The following TRMT1L variants were observed in gnomAD, a reference collection of about 807,000 sequenced individuals.
The protein encoded by TRMT1L is tRNA methyltransferase 1L.
TRMT1L carries 28 observed loss-of-function variants against 81.6 expected under a neutral mutation model. The observed-to-expected ratio is 0.34, with a 90% CI of 0.25 to 0.47. The LOEUF (loss-of-function observed/expected upper bound fraction) is 0.47. Among genes scored for constraint, TRMT1L ranks in the 20% least tolerant of loss-of-function variants. The pLI, the probability that TRMT1L is intolerant of heterozygous loss-of-function variation, is 1.00. For synonymous variants in TRMT1L, 301 were observed against 303.2 expected (o/e 0.99, Z 0.07); for missense variants, 739 against 877.1 (o/e 0.84, Z 1.99).
Position 185,120,035 on chromosome 1 carries a change from C to T in TRMT1L, c.2186G>A (p.Gly729Asp), listed in dbSNP as rs752911882. The change falls in exon 15 of 15, where the codon GGC becomes GAC. Residue 729 changes from glycine to aspartate, a missense_variant. Coordinates refer to ENST00000367506, the MANE Select transcript of TRMT1L (RefSeq NM_030934.5). ...MSVNDKAEAS[G>D]CRRW ...TCTCTACGTTTACCATCTTCTGCAG[C>T]CACTTGCTTCTGCTTTGTCATTCAC... The T allele has an allele frequency of 8.7e-6, 14 of 1,613,506 alleles. No individual in the cohort carries two copies. Among genetic ancestry groups the T allele is most frequent in the Non-Finnish European group, 1.2e-5 (14 of 1,179,720 alleles).
At position 185,151,953 on chromosome 1, in the gene TRMT1L, G is replaced by C; in HGVS notation, c.236-18C>G. 1 of 1,486,050 alleles carries C rather than the reference G, an allele frequency of 6.7e-7. No individual in the cohort carries two copies. The highest frequency in any genetic ancestry group is 1.2e-5 in the South Asian group (1 of 82,164). The allele number at this position is 1,486,050 out of a possible 1,614,324, so 92.1% of individuals were successfully genotyped here. ...GTGTCTCTCTGAAAAAAAAAATTGA[G>C]AAGATTATGCTTTAACAGTTTGTAT... On this transcript the variant is annotated intron_variant, in intron 1 of 14. Coordinates refer to ENST00000367506, the MANE Select transcript of TRMT1L (RefSeq NM_030934.5).
Position 185,129,083 on chromosome 1 carries a change from G to GGT in TRMT1L, c.1514-338_1514-337dup, listed in dbSNP as rs564769974. Reference sequence around the variant, plus strand: ...AATTCATGTCAAATGGCTTATTAGAGGTGTAACTGATATTTACTTACTATA... The same window carrying GGT: ...AATTCATGTCAAATGGCTTATTAGAGGTGTGTAACTGATATTTACTTACTATA... On this transcript the variant is annotated intron_variant, in intron 10 of 14. Coordinates refer to ENST00000367506, the MANE Select transcript of TRMT1L (RefSeq NM_030934.5). Among the ~76,000 whole-genome samples the GGT allele has an allele frequency of 1.5e-4, 23 of 152,090 alleles. 2 individuals carry two copies. The South Asian group carries it at 4.8e-3, about 32-fold the overall frequency.
At position 185,133,765 on chromosome 1, in the gene TRMT1L, G is replaced by C. The variant is rs148175899; in HGVS notation, c.1513+3841C>G. On this transcript the variant is annotated intron_variant, in intron 10 of 14. Transcript: ENST00000367506. ...GGCACAAACCACTGACCAACACCTT[G>C]ATCTGTGGCCTTGTGAGAGACCCCG... Among the ~76,000 whole-genome samples, 12 of 151,968 alleles carry C rather than the reference G, an allele frequency of 7.9e-5. No individual in the cohort carries two copies. In the East Asian group the frequency reaches 2.1e-3, roughly 27 times the overall value.
chr1:185,128,636 A>C, intron 11 of TRMT1L, 33 bp downstream of exon 11: 1 of 1,590,954 alleles, frequency 6.3e-7, no homozygotes, highest in Non-Finnish European at 8.6e-7. Flanking sequence ...CAATACATCA[A>C]ATTTTAATAT....
chr1:185,155,467 C>G lies in TRMT1L; in HGVS notation c.235+1011G>C, dbSNP rs145336699. Among the ~76,000 whole-genome samples, 850 of 152,260 alleles carry G rather than the reference C, an allele frequency of 5.6e-3. 5 individuals carry two copies. The highest frequency in any genetic ancestry group is 0.017 in the Middle Eastern group (5 of 294). On this transcript the variant is annotated intron_variant, in intron 1 of 14. Transcript: ENST00000367506. ...GACTTTTGTCTTTCCTGTGATTAGC[C>G]CTACTCTGAAATCTATAACAATTTG...
At chr1:185,154,917 T>C (rs1047628880) in intron 1 of TRMT1L, among the ~76,000 whole-genome samples, 4 of 152,230 alleles carry the variant, frequency 2.6e-5, no homozygotes, top group African/African-American at 9.6e-5. Flanking sequence ...GAGGGTCTTT[T>C]ACAACTTATT....
chr1:185,142,417 C>T (rs1653073903), intron 7 of TRMT1L, among the ~76,000 whole-genome samples: 1 of 152,176 alleles, frequency 6.6e-6, no homozygotes, highest in Non-Finnish European at 1.5e-5. Flanking sequence ...CAAAAGTGTA[C>T]TCTTATAATC....
At position 185,119,684 on chromosome 1, in the gene TRMT1L, A is replaced by G. The variant is rs1652448906; in HGVS notation, c.*335T>C. On this transcript the variant is annotated 3_prime_UTR_variant, in exon 15 of 15. Transcript: ENST00000367506. ...AGTTTAGGCAGAGATGTGATTAAGA[A>G]TTGTAAAAGATGGCTTTCATAACAT... 5.1e-6 allele frequency: 1 copy of G among 194,854 alleles called. No individual in the cohort carries two copies. Among genetic ancestry groups the G allele is most frequent in the South Asian group, 1.3e-4 (1 of 7,604 alleles). The allele number at this position is 194,854 out of a possible 1,614,324, so 12.1% of individuals were successfully genotyped here.
intron 11 of TRMT1L, among the ~76,000 whole-genome samples, chr1:185,126,178 G>C (rs529550135): frequency 6.6e-6 from 1 of 152,176 alleles, no homozygotes; most frequent in Non-Finnish European, 1.5e-5. Flanking sequence ...GGATCCTCCT[G>C]CCTCAGCCTC....
chr1:185,139,995 G>A lies in TRMT1L; in HGVS notation c.1087C>T (p.His363Tyr). The A allele has an allele frequency of 2.5e-6, 4 of 1,609,962 alleles. No homozygotes were observed. The highest frequency in any genetic ancestry group is 3.4e-6 in the Non-Finnish European group (4 of 1,178,030). Reference sequence around the variant, plus strand: ...TACATGAAATCAAAAGATCTCAAATGCATCAGTACATTGGCATCCATTTTG... The same window carrying A: ...TACATGAAATCAAAAGATCTCAAATACATCAGTACATTGGCATCCATTTTG... ...VTKMDANVLM[H>Y]LRSFDFIHLD... The change falls in exon 8 of 15, where the codon CAT (histidine) becomes TAT (tyrosine). Residue 363 changes from histidine (H) to tyrosine (Y), a missense_variant. Coordinates refer to ENST00000367506, the MANE Select transcript of TRMT1L (RefSeq NM_030934.5).
At chr1:185,140,288 A>G in intron 7 of TRMT1L, 66 bp from the exon 8 acceptor site, 3 of 1,249,006 alleles carry the variant, frequency 2.4e-6, no homozygotes, top group Non-Finnish European at 3.3e-6. Flanking sequence ...AAAATGGTAT[A>G]ACAACATTCA....
chr1:185,140,837 G>A (rs1421238181), intron 7 of TRMT1L, among the ~76,000 whole-genome samples: 1 of 151,342 alleles, frequency 6.6e-6, no homozygotes, highest in Non-Finnish European at 1.5e-5. Flanking sequence ...AAAATTAGCT[G>A]GGCATGGTGG....
At chr1:185,128,410 A>T (rs1652688584) in intron 11 of TRMT1L, among the ~76,000 whole-genome samples, 1 of 152,236 alleles carries the variant, frequency 6.6e-6, no homozygotes, top group African/African-American at 2.4e-5. Flanking sequence ...GAAATGAATT[A>T]TCTAGTTTCC....
At chr1:185,134,555 ATACT>A (rs1331273767) in intron 10 of TRMT1L, among the ~76,000 whole-genome samples, 1 of 152,264 alleles carries the variant, frequency 6.6e-6, no homozygotes, top group Non-Finnish European at 1.5e-5. Flanking sequence ...TTTGTAGGAC[ATACT>A]TGTTTATTCT....
intron 10 of TRMT1L, among the ~76,000 whole-genome samples, chr1:185,133,796 G>T (rs1183447362): frequency 6.6e-6 from 1 of 152,068 alleles, no homozygotes; most frequent in Non-Finnish European, 1.5e-5. Flanking sequence ...CCCCGAGCTA[G>T]TGGACCCAGC....
At chr1:185,155,903 T>C (rs1363028539) in intron 1 of TRMT1L, among the ~76,000 whole-genome samples, 1 of 152,148 alleles carries the variant, frequency 6.6e-6, no homozygotes, top group Non-Finnish European at 1.5e-5. Context: ...ATCCGTAAAT[T>C]TAGTCGACTC....
chr1:185,125,526 AG>A (rs1322217419), intron 11 of TRMT1L, among the ~76,000 whole-genome samples: 1 of 152,178 alleles, frequency 6.6e-6, no homozygotes, highest in Non-Finnish European at 1.5e-5. Flanking sequence ...CTAAACTAGT[AG>A]CATTAGTCAA....
chr1:185,130,814 T>C (rs1487986914), intron 10 of TRMT1L, among the ~76,000 whole-genome samples: 1 of 152,084 alleles, frequency 6.6e-6, no homozygotes, highest in African/African-American at 2.4e-5. Context: ...TAAGTAAAAA[T>C]CTGCTTTCCA....
chr1:185,151,807 A>T lies in TRMT1L; in HGVS notation c.346+18T>A. The T allele has an allele frequency of 1.3e-6, 2 of 1,510,680 alleles. No homozygotes were observed. The highest frequency in any genetic ancestry group is 1.8e-6 in the Non-Finnish European group (2 of 1,122,374). The allele number at this position is 1,510,680 out of a possible 1,614,324, so 93.6% of individuals were successfully genotyped here. On this transcript the variant is annotated intron_variant, in intron 2 of 14. Transcript: ENST00000367506. ...TATTAGAAACTAAGAAAAAAAAAAA[A>T]CCCAAACATGGAAATACCTGCATCA...
Sources: allele counts gnomAD v4.1 joint callset (sites outside exome capture counted in the v4.1 genomes callset), GRCh38; gene constraint gnomAD v4.1.1; transcripts MANE v1.5; gene names NCBI Gene and HGNC (gene_info 2026-07-23, HGNC 2026-07-21).